Variants in CERS3 observed in about 807,000 individuals in gnomAD.
CERS3 encodes the protein LAG1 homolog, ceramide synthase 3.
Under a neutral mutation model 50.3 loss-of-function variants are expected in CERS3, and 33 were observed. The observed-to-expected ratio is 0.66, with a 90% confidence interval of 0.50 to 0.88. CERS3 has a LOEUF of 0.88. CERS3 is among the 40% of genes least tolerant of loss of function. The probability of loss-of-function intolerance (pLI) is 0.00; values close to 1 mark genes in which losing one functional copy is unlikely to be tolerated. For synonymous variants in CERS3, 176 were observed against 155.2 expected (o/e 1.13, Z -0.99); for missense variants, 470 against 460.3 (o/e 1.02, Z -0.19).
intron 11 of CERS3, among the ~76,000 whole-genome samples, chr15:100,447,327 A>C (rs1381253125): frequency 6.6e-6 from 1 of 152,236 alleles, no homozygotes; most frequent in African/African-American, 2.4e-5. Flanking sequence ...CCAATCAGAA[A>C]AATCTCTGAA....
chr15:100,475,036 G>A (rs1179178156), intron 8 of CERS3, among the ~76,000 whole-genome samples: 3 of 152,252 alleles, frequency 2.0e-5, no homozygotes, highest in Admixed American at 2.0e-4. Flanking sequence ...TCAAAGGTGG[G>A]TGAAATACAT....
At chr15:100,427,363 C>T (rs928599516) in intron 11 of CERS3, among the ~76,000 whole-genome samples, 1 of 152,190 alleles carries the variant, frequency 6.6e-6, no homozygotes, top group African/African-American at 2.4e-5. Context: ...TGTTCTTAGG[C>T]AATGCCAATC....
At chr15:100,539,342 C>A (rs1485470337) in intron 1 of CERS3, among the ~76,000 whole-genome samples, 1 of 152,190 alleles carries the variant, frequency 6.6e-6, no homozygotes, top group Non-Finnish European at 1.5e-5. Context: ...GCACCCCACT[C>A]TCTGCAGTAC....
At chr15:100,480,401 T>C (rs2035262063) in intron 5 of CERS3, among the ~76,000 whole-genome samples, 1 of 152,224 alleles carries the variant, frequency 6.6e-6, no homozygotes, top group African/African-American at 2.4e-5. Flanking sequence ...AAACAGTGGA[T>C]TGATATTAGC....
intron 1 of CERS3, among the ~76,000 whole-genome samples, chr15:100,534,542 G>T (rs910735797): frequency 2.0e-5 from 3 of 150,324 alleles, no homozygotes; most frequent in African/African-American, 7.3e-5. Flanking sequence ...AAAGGGAAAA[G>T]AAACTGGAAA....
intron 11 of CERS3, among the ~76,000 whole-genome samples, chr15:100,423,260 A>G (rs2032580109): frequency 6.6e-6 from 1 of 152,156 alleles, no homozygotes; most frequent in Non-Finnish European, 1.5e-5. Context: ...CAGCAATCCT[A>G]TTACTGGGTA....
chr15:100,542,417 C>A (rs1487745761), intron 1 of CERS3, among the ~76,000 whole-genome samples: 2 of 152,184 alleles, frequency 1.3e-5, no homozygotes, highest in African/African-American at 2.4e-5. Flanking sequence ...TGGCTCATGG[C>A]TTCCATAATC....
intron 11 of CERS3, among the ~76,000 whole-genome samples, chr15:100,428,188 G>T (rs2032935393): frequency 1.3e-5 from 2 of 152,150 alleles, no homozygotes; most frequent in South Asian, 4.1e-4. Flanking sequence ...GGAAATGGCT[G>T]GCAACTGTTT....
intron 11 of CERS3, among the ~76,000 whole-genome samples, chr15:100,432,601 G>A (rs982549899): frequency 6.6e-6 from 1 of 152,182 alleles, no homozygotes; most frequent in African/African-American, 2.4e-5. Context: ...GTATGAGTCA[G>A]ACCACATCTA....
At chr15:100,516,336 G>GA (rs2036487130) in intron 2 of CERS3, among the ~76,000 whole-genome samples, 1 of 152,208 alleles carries the variant, frequency 6.6e-6, no homozygotes, top group Non-Finnish European at 1.5e-5. Context: ...CTGCAGTCAG[G>GA]AAACCCAGTT....
Position 100,417,323 on chromosome 15 carries a change from A to T in CERS3, c.1000-14458T>A, listed in dbSNP as rs184950086. On this transcript the variant is annotated intron_variant, in intron 11 of 11. Coordinates refer to ENST00000679737, the MANE Select transcript of CERS3 (RefSeq NM_001378789.1). Reference sequence around the variant, plus strand: ...TCCGAGTCAAAGAAAGGGGTGACGGACGCACCTGGAAAATCGGGTCACTCC... The same window carrying T: ...TCCGAGTCAAAGAAAGGGGTGACGGTCGCACCTGGAAAATCGGGTCACTCC... 4.3e-3 allele frequency among the ~76,000 whole-genome samples: 659 copies of T among 152,136 alleles called. 7 individuals are homozygous for T. Among genetic ancestry groups the T allele is most frequent in the African/African-American group, 0.014 (601 of 41,458 alleles).
At chr15:100,512,659 A>G (rs2036380430) in intron 2 of CERS3, among the ~76,000 whole-genome samples, 2 of 152,084 alleles carry the variant, frequency 1.3e-5, no homozygotes, top group African/African-American at 4.8e-5. Context: ...TTACTAGCCA[A>G]TCTCCCATTA....
intron 10 of CERS3, among the ~76,000 whole-genome samples, chr15:100,461,103 C>T (rs1041870394): frequency 6.6e-6 from 1 of 152,160 alleles, no homozygotes. Context: ...GTGAGAGCAA[C>T]AGGAAGCTTG....
At chr15:100,436,720 G>C (rs2033424025) in intron 11 of CERS3, among the ~76,000 whole-genome samples, 1 of 152,062 alleles carries the variant, frequency 6.6e-6, no homozygotes, top group African/African-American at 2.4e-5. Flanking sequence ...CATAATCATA[G>C]TGATAGGACA....
intron 11 of CERS3, among the ~76,000 whole-genome samples, chr15:100,441,187 C>T (rs774967652): frequency 2.0e-5 from 3 of 152,070 alleles, no homozygotes; most frequent in Non-Finnish European, 4.4e-5. Context: ...GCACCCCGAC[C>T]TCTTATCTCT....
chr15:100,469,049 G>A (rs187484117), intron 10 of CERS3, among the ~76,000 whole-genome samples: 5 of 152,328 alleles, frequency 3.3e-5, no homozygotes, highest in African/African-American at 1.2e-4. Context: ...GAGAACTGGT[G>A]ATTGGACAGT....
chr15:100,475,467 C>T (rs756076716), intron 8 of CERS3, among the ~76,000 whole-genome samples: 9 of 152,122 alleles, frequency 5.9e-5, no homozygotes, highest in East Asian at 1.9e-4. Flanking sequence ...CTTACATATA[C>T]GACAAAATCT....
intron 11 of CERS3, among the ~76,000 whole-genome samples, chr15:100,403,076 C>T (rs1237977563): frequency 6.6e-6 from 1 of 151,960 alleles, no homozygotes; most frequent in Non-Finnish European, 1.5e-5. Context: ...TATTTCTAGA[C>T]CATAATGGAA....
At chr15:100,539,408 G>A (rs957886553) in intron 1 of CERS3, among the ~76,000 whole-genome samples, 1 of 152,192 alleles carries the variant, frequency 6.6e-6, no homozygotes, top group South Asian at 2.1e-4. Flanking sequence ...TCAAGACTGG[G>A]TAATTCATAA....
Sources: gnomAD v4.1 joint callset for allele counts (sites outside exome capture counted in the v4.1 genomes callset) on GRCh38, gnomAD v4.1.1 for gene constraint, MANE v1.5 for transcripts, NCBI Gene and HGNC (gene_info 2026-07-23, HGNC 2026-07-21) for gene names.